C2orf76: variants seen among roughly 807,000 people sequenced by gnomAD.
C2orf76 encodes chromosome 2 open reading frame 76, also known as UPF0538 protein C2orf76.
In C2orf76, 23 loss-of-function variants were observed where a neutral mutation model predicts 16.9. The observed-to-expected ratio is 1.36, with a 90% CI of 0.98 to 1.93. The LOEUF (loss-of-function observed/expected upper bound fraction) is 1.93. C2orf76 is among the 30% of genes most tolerant of loss of function. The pLI, the probability that C2orf76 is intolerant of heterozygous loss-of-function variation, is 0.00. For missense variants in C2orf76, 152 were observed against 152.6 expected, an observed-to-expected ratio of 1.00 and a Z score of 0.02; for synonymous variants, 48 against 52.3, an observed-to-expected ratio of 0.92 and a Z score of 0.35.
chr2:119,347,330 C>T (rs1009635921), intron 1 of C2orf76, among the ~76,000 whole-genome samples: 2 of 152,048 alleles, frequency 1.3e-5, no homozygotes, highest in African/African-American at 2.4e-5. Flanking sequence ...GAGAGGAAGG[C>T]TATATATTAA....
downstream of C2orf76, among the ~76,000 whole-genome samples, chr2:119,301,931 A>AAAT (rs1402960622): frequency 1.1e-3 from 160 of 152,144 alleles, no homozygotes; most frequent in South Asian, 7.1e-3. Flanking sequence ...AAAAAAAAAA[A>AAAT]AAGTAACCTT....
intron 4 of C2orf76, among the ~76,000 whole-genome samples, chr2:119,313,142 T>A (rs1679050731): frequency 6.6e-6 from 1 of 152,076 alleles, no homozygotes; most frequent in African/African-American, 2.4e-5. Flanking sequence ...CATATTCTAT[T>A]TGTAGAATAC....
At chr2:119,355,171 C>T (rs916619285) in intron 1 of C2orf76, among the ~76,000 whole-genome samples, 2 of 152,196 alleles carry the variant, frequency 1.3e-5, no homozygotes, top group East Asian at 3.8e-4. Flanking sequence ...ATTTCATACA[C>T]TTTCTTAAAC....
At chr2:119,317,411 T>G (rs1679205259) in intron 4 of C2orf76, 55 bp downstream of exon 4, 1 of 1,350,436 alleles carries the variant, frequency 7.4e-7, no homozygotes, top group Non-Finnish European at 1.0e-6. Context: ...TATTCACAAA[T>G]TCAACCAACA....
At chr2:119,360,389 A>G (rs1349050456) in intron 1 of C2orf76, among the ~76,000 whole-genome samples, 1 of 150,488 alleles carries the variant, frequency 6.6e-6, no homozygotes, top group Non-Finnish European at 1.5e-5. Context: ...GGGCAGGAGA[A>G]TCGCTTGAAC....
intron 1 of C2orf76, 39 bp from the exon 2 acceptor site, chr2:119,340,010 G>C: frequency 6.3e-7 from 1 of 1,584,254 alleles, no homozygotes; most frequent in East Asian, 2.3e-5. Flanking sequence ...AATGAAGCCA[G>C]CTCACAGTTG....
intron 1 of C2orf76, among the ~76,000 whole-genome samples, chr2:119,357,178 A>C (rs1680597839): frequency 6.6e-6 from 1 of 152,204 alleles, no homozygotes; most frequent in African/African-American, 2.4e-5. Context: ...CTTTCAGAAA[A>C]TGGAAAAGGA....
chr2:119,286,051 C>G, the C2orf76 span, among the ~76,000 whole-genome samples: 3 of 151,914 alleles, frequency 2.0e-5, no homozygotes, highest in African/African-American at 7.3e-5. Flanking sequence ...CATGGTGAAA[C>G]CCCATCTCTA....
intron 2 of C2orf76, among the ~76,000 whole-genome samples, chr2:119,322,910 G>A (rs901630416): frequency 4.6e-5 from 7 of 152,110 alleles, no homozygotes; most frequent in African/African-American, 1.7e-4. Context: ...AAGGGTAAAG[G>A]AGACTTTTCA....
the C2orf76 span, among the ~76,000 whole-genome samples, chr2:119,282,405 C>T: frequency 0.027 from 4,090 of 152,250 alleles, 89 homozygotes; most frequent in East Asian, 0.13. Flanking sequence ...TGGGGTGATT[C>T]GGCACTTCCC....
At chr2:119,351,918 T>C (rs1436666938) in intron 1 of C2orf76, among the ~76,000 whole-genome samples, 1 of 152,060 alleles carries the variant, frequency 6.6e-6, no homozygotes, top group African/African-American at 2.4e-5. Context: ...GTAGGTGAAT[T>C]TGCAAATACA....
intron 2 of C2orf76, among the ~76,000 whole-genome samples, chr2:119,332,910 T>G (rs930451335): frequency 7.9e-5 from 12 of 152,194 alleles, no homozygotes; most frequent in Admixed American, 2.0e-4. Context: ...TTTTACATTT[T>G]TAGTACAGAT....
intron 1 of C2orf76, among the ~76,000 whole-genome samples, chr2:119,343,475 TACACACACACACACAC>T (rs59651595): frequency 1.4e-5 from 2 of 145,964 alleles, no homozygotes; most frequent in East Asian, 2.1e-4. Flanking sequence ...CACCTATACC[TACACACACACACACAC>T]ACACACACAC....
At chr2:119,354,534 AT>A (rs1251620300) in intron 1 of C2orf76, among the ~76,000 whole-genome samples, 5 of 152,068 alleles carry the variant, frequency 3.3e-5, no homozygotes, top group Non-Finnish European at 7.4e-5. Context: ...AAATATAAAA[AT>A]TTTTTTTAAA....
At chr2:119,310,960 C>T (rs1252742110) in intron 5 of C2orf76, among the ~76,000 whole-genome samples, 5 of 152,216 alleles carry the variant, frequency 3.3e-5, no homozygotes, top group Non-Finnish European at 7.3e-5. Flanking sequence ...GTGTGAGGGG[C>T]ACACTGCCTT....
intron 2 of C2orf76, among the ~76,000 whole-genome samples, chr2:119,336,431 ATTATAT>A (rs1316847890): frequency 1.3e-5 from 2 of 151,846 alleles, no homozygotes; most frequent in African/African-American, 4.8e-5. Context: ...AAATAGGTTT[ATTATAT>A]TTATATGTAA....
chr2:119,323,460 C>T (rs1679411286), intron 2 of C2orf76, among the ~76,000 whole-genome samples: 1 of 152,154 alleles, frequency 6.6e-6, no homozygotes, highest in African/African-American at 2.4e-5. Context: ...GAGCTGCCCA[C>T]TCATGACAGC....
At position 119,317,433 on chromosome 2, in the gene C2orf76, C is replaced by A. The variant is rs371754226; in HGVS notation, c.222+33G>T. 26 of 1,496,336 alleles carry A rather than the reference C, an allele frequency of 1.7e-5. No homozygotes were observed. In the African/African-American group the frequency reaches 3.3e-4, roughly 19 times the overall value. 92.7% of individuals were successfully genotyped at this position (1,496,336 alleles called of 1,614,324 possible). A position where few individuals can be genotyped will look rare whatever the true frequency, so the allele number is the denominator to read the frequency against. ...AAATTCAACCAACATTGATTACTTG[C>A]TATGTGCCAGATACTGTACCTGTGG... On this transcript the variant is annotated intron_variant, in intron 4 of 5. Transcript: ENST00000334816.
chr2:119,350,068 C>T (rs1228799058), intron 1 of C2orf76, among the ~76,000 whole-genome samples: 1 of 75,958 alleles, frequency 1.3e-5, no homozygotes, highest in Non-Finnish European at 2.8e-5. Context: ...CCGCCCACAC[C>T]GCCCCCCGCC....
Sources: allele counts gnomAD v4.1 joint callset (sites outside exome capture counted in the v4.1 genomes callset), GRCh38; gene constraint gnomAD v4.1.1; transcripts MANE v1.5; gene names NCBI Gene and HGNC (gene_info 2026-07-23, HGNC 2026-07-21).